Variants in OTUD4 observed in about 807,000 individuals in gnomAD.
The protein encoded by OTUD4 is OTU deubiquitinase 4.
In OTUD4, 24 loss-of-function variants were observed where a neutral mutation model predicts 130.4. The ratio of observed to expected loss-of-function variants is 0.18; its 90% confidence interval spans 0.13 to 0.26. OTUD4 has a LOEUF of 0.26. Ranked by LOEUF, OTUD4 falls within the 10% of genes least tolerant of loss-of-function variation. The probability of loss-of-function intolerance (pLI) is 1.00; values close to 1 mark genes in which losing one functional copy is unlikely to be tolerated. For missense variants in OTUD4, 1,031 were observed against 1,329.4 expected (o/e 0.78, Z 3.49); for synonymous variants, 420 against 472.5 (o/e 0.89, Z 1.44).
intron 13 of OTUD4, chr4:145,149,718 T>C (rs1750980378): frequency 6.6e-6 from 1 of 152,200 alleles, no homozygotes; most frequent in South Asian, 2.1e-4. Flanking sequence ...CCAGAAATAA[T>C]GGAACTAAAG....
intron 20 of OTUD4, among the ~76,000 whole-genome samples, 187 bp downstream of exon 20, chr4:145,139,764 G>T (rs760557334): frequency 6.6e-5 from 10 of 152,094 alleles, no homozygotes; most frequent in Non-Finnish European, 1.2e-4. Flanking sequence ...AGACAAAAAA[G>T]TAAGTAAAAC....
chr4:145,138,330 T>C lies in OTUD4; in HGVS notation c.2445A>G (p.Glu815=), dbSNP rs771073775. 4.3e-6 allele frequency: 7 copies of C among 1,614,148 alleles called. 1 individual carries two copies. In the South Asian group the frequency reaches 7.7e-5, roughly 18 times the overall value. Reference sequence around the variant, plus strand: ...GCAGAAGCTGCCCAGGGGTCTCAGATTCAAGATCAGCCTGGTAAGACAATT... The same window carrying C: ...GCAGAAGCTGCCCAGGGGTCTCAGACTCAAGATCAGCCTGGTAAGACAATT... ...HGQLSYQADL[E]SETPGQLLHA... Residue 815 remains glutamate, a synonymous_variant, in exon 21 of 21, where the codon GAA becomes GAG. Transcript: ENST00000447906.
intron 7 of OTUD4, among the ~76,000 whole-genome samples, chr4:145,157,990 T>C (rs1166792088): frequency 6.6e-6 from 1 of 152,170 alleles, no homozygotes; most frequent in African/African-American, 2.4e-5. Flanking sequence ...AGCTAGTCAT[T>C]CTCTCTTCCA....
intron 3 of OTUD4, among the ~76,000 whole-genome samples, chr4:145,168,413 T>TAAAAA (rs11432018): frequency 8.1e-6 from 1 of 122,874 alleles, no homozygotes; most frequent in South Asian, 2.7e-4. Context: ...AATAAAAAAT[T>TAAAAA]AAAAAAAAAA....
At chr4:145,139,333 A>G (rs1442094639) in intron 20 of OTUD4, among the ~76,000 whole-genome samples, 4 of 152,220 alleles carry the variant, frequency 2.6e-5, no homozygotes, top group Non-Finnish European at 4.4e-5. Flanking sequence ...TTCGTTTCAT[A>G]GTTTAACTGT....
chr4:145,157,684 CAAAAAAAAAAAAAA>C (rs923938636), intron 7 of OTUD4, among the ~76,000 whole-genome samples: 1 of 44,090 alleles, frequency 2.3e-5, no homozygotes, highest in African/African-American at 8.4e-5. Context: ...AACTCCGTCT[CAAAAAAAAAAAAAA>C]AAAAAAAAAG....
chr4:145,168,125 G>T (rs1307284707), intron 3 of OTUD4, among the ~76,000 whole-genome samples: 1 of 151,856 alleles, frequency 6.6e-6, no homozygotes, highest in Non-Finnish European at 1.5e-5. Flanking sequence ...CTTGTAAAAA[G>T]AATTCCTTCA....
At position 145,156,421 on chromosome 4, in the gene OTUD4, C is replaced by T. The variant is rs564360226; in HGVS notation, c.630-425G>A. Among the ~76,000 whole-genome samples, 10 of 152,356 alleles carry T rather than the reference C, an allele frequency of 6.6e-5. No homozygotes were observed. The South Asian group carries it at 2.1e-3, about 32-fold the overall frequency. ...TACATCAGCCGGCCATGGTGGCTCA[C>T]GCCTGTAATCCCAGGACTTTGGGAG... is the stretch of plus-strand genomic sequence containing the variant. On this transcript the variant is annotated intron_variant, in intron 7 of 20. Coordinates refer to ENST00000447906, the MANE Select transcript of OTUD4 (RefSeq NM_001366057.1).
At chr4:145,143,323 AG>A in intron 17 of OTUD4, 41 bp downstream of exon 17, 1 of 1,242,540 alleles carries the variant, frequency 8.0e-7, no homozygotes, top group African/African-American at 1.5e-5. Context: ...ACAGAAACCC[AG>A]AGAGTGGAGC....
intron 8 of OTUD4, 30 bp from the exon 9 acceptor site, chr4:145,155,716 CAT>C (rs1420176005): frequency 2.2e-6 from 3 of 1,379,656 alleles, no homozygotes; most frequent in Non-Finnish European, 3.0e-6. Context: ...CCAATCAACA[CAT>C]AAGTGCTTTT....
Position 145,174,696 on chromosome 4 carries a change from G to C in OTUD4, c.208C>G (p.His70Asp). 1.2e-6 allele frequency: 2 copies of C among 1,609,166 alleles called. No homozygotes were observed. The highest frequency in any genetic ancestry group is 2.2e-5 in the South Asian group (2 of 90,968). ...RHVEVRMACI[H>D]YLRENREKFE... ...TTCTCTCTGTTCTCTCGAAGATAGT[G>C]AATACAGGCCATTCTGACTTCAACA... The change falls in exon 2 of 21, where the codon CAC (histidine) becomes GAC (aspartate). Residue 70 changes from histidine to aspartate, a missense_variant. This residue lies in a region of OTUD4 where 77 missense variants were observed against 172.9 expected (regional missense o/e 0.45). Transcript: ENST00000447906.
chr4:145,169,307 C>A (rs1487465721), intron 3 of OTUD4, among the ~76,000 whole-genome samples: 2 of 152,108 alleles, frequency 1.3e-5, no homozygotes, highest in African/African-American at 4.8e-5. Flanking sequence ...TCAAAGCTGA[C>A]AAAAACATAT....
intron 17 of OTUD4, among the ~76,000 whole-genome samples, chr4:145,142,839 A>T (rs1413854572): frequency 6.6e-6 from 1 of 152,256 alleles, no homozygotes; most frequent in East Asian, 1.9e-4. Context: ...TTTAACATTT[A>T]ACTTTCTCTA....
rs192585419 is a variant in OTUD4 at position 145,133,912 on chromosome 4, T to A, written c.*3518A>T. ...TTTTTACAAGTAACATCACAAATGA[T>A]CACATCTTCACATGCTCTTAAAGTA... On this transcript the variant is annotated 3_prime_UTR_variant, in exon 21 of 21. Transcript: ENST00000447906. 7.2e-5 allele frequency: 11 copies of A among 152,766 alleles called. No individual in the cohort carries two copies. The East Asian group carries it at 2.1e-3, about 29-fold the overall frequency. 9.5% of individuals were successfully genotyped at this position (152,766 alleles called of 1,614,324 possible). A position where few individuals can be genotyped will look rare whatever the true frequency, so the allele number is the denominator to read the frequency against.
chr4:145,157,930 G>A lies in OTUD4; in HGVS notation c.629+1573C>T, dbSNP rs1579267572. Reference sequence around the variant, plus strand: ...CATTAACAGCAACAGCAACCAAAGGGCATGTTCTAAAAGTCCCCCAACCCC... The same window carrying A: ...CATTAACAGCAACAGCAACCAAAGGACATGTTCTAAAAGTCCCCCAACCCC... On this transcript the variant is annotated intron_variant, in intron 7 of 20. Coordinates refer to ENST00000447906, the MANE Select transcript of OTUD4 (RefSeq NM_001366057.1). Among the ~76,000 whole-genome samples the A allele has an allele frequency of 2.6e-5, 4 of 152,170 alleles. No homozygotes were observed. In the South Asian group the frequency reaches 8.3e-4, roughly 32 times the overall value.
chr4:145,177,942 C>A (rs146612804), intron 1 of OTUD4, among the ~76,000 whole-genome samples: 8 of 151,874 alleles, frequency 5.3e-5, no homozygotes, highest in African/African-American at 7.2e-5. Context: ...TTCCTTTTTC[C>A]CACACACACA....
At chr4:145,161,778 A>G (rs1366854545) in intron 6 of OTUD4, among the ~76,000 whole-genome samples, 1 of 152,220 alleles carries the variant, frequency 6.6e-6, no homozygotes, top group African/African-American at 2.4e-5. Context: ...TCCAAGGTTC[A>G]AAATGCTGCC....
chr4:145,146,392 T>G lies in OTUD4; in HGVS notation c.1297A>C (p.Thr433Pro). 2 of 1,579,312 alleles carry G rather than the reference T, an allele frequency of 1.3e-6. No individual in the cohort carries two copies. Among genetic ancestry groups the G allele is most frequent in the Non-Finnish European group, 1.7e-6 (2 of 1,166,650 alleles). Residue 433 changes from threonine (T) to proline (P), a missense_variant, in exon 14 of 21, where the codon ACA (threonine) becomes CCA (proline). Transcript: ENST00000447906. ...CCGAAATAGTTAGATTCTCGACTTG[T>G]GTGATCAAAATCCTCAACTCTTTCA... is the stretch of plus-strand genomic sequence containing the variant. ...DRERVEDFDHTSRESNYFGLS... is the reference protein window; with the variant it reads ...DRERVEDFDHPSRESNYFGLS...
At chr4:145,177,067 T>C (rs1329074224) in intron 1 of OTUD4, among the ~76,000 whole-genome samples, 1 of 152,196 alleles carries the variant, frequency 6.6e-6, no homozygotes, top group African/African-American at 2.4e-5. Flanking sequence ...CACCGTAGAA[T>C]TTTTTTGCCA....
Sources: allele counts gnomAD v4.1 joint callset (sites outside exome capture counted in the v4.1 genomes callset), GRCh38; gene constraint gnomAD v4.1.1; regional missense constraint gnomAD v4.1.1; transcripts MANE v1.5; gene names NCBI Gene and HGNC (gene_info 2026-07-23, HGNC 2026-07-21).